Variants in GABRB3 observed in about 807,000 individuals in gnomAD.
GABRB3 encodes gamma-aminobutyric acid receptor subunit beta-3.
GABRB3 carries 14 observed loss-of-function variants against 52.1 expected under a neutral mutation model. That is an observed-to-expected ratio of 0.27 (90% CI 0.18 to 0.42). The LOEUF (loss-of-function observed/expected upper bound fraction) is 0.42, where lower values mean the gene tolerates loss of function less well. GABRB3 is among the 10% of genes least tolerant of loss of function. The probability of loss-of-function intolerance (pLI) is 1.00; values close to 1 mark genes in which losing one functional copy is unlikely to be tolerated. For missense variants in GABRB3, 307 were observed against 609.1 expected (o/e 0.50, Z 5.22); for synonymous variants, 260 against 232.3 (o/e 1.12, Z -1.08).
chr15:26,753,820 A>G (rs1458194662), intron 3 of GABRB3, among the ~76,000 whole-genome samples: 1 of 152,200 alleles, frequency 6.6e-6, no homozygotes. Context: ...TCTCTGTGAG[A>G]AATACACTGG....
intron 3 of GABRB3, among the ~76,000 whole-genome samples, chr15:26,683,369 G>A (rs1054300211): frequency 6.9e-6 from 1 of 145,072 alleles, no homozygotes; most frequent in Admixed American, 6.7e-5. Context: ...CTCCCCCATC[G>A]CTGGGTTTCC....
intron 3 of GABRB3, among the ~76,000 whole-genome samples, chr15:26,675,639 A>T (rs1888044009): frequency 6.6e-6 from 1 of 152,222 alleles, no homozygotes; most frequent in South Asian, 2.1e-4. Flanking sequence ...CTCACTTCCC[A>T]ATACAACAAG....
At chr15:26,738,536 A>G (rs1477505859) in intron 3 of GABRB3, among the ~76,000 whole-genome samples, 3 of 152,286 alleles carry the variant, frequency 2.0e-5, no homozygotes, top group African/African-American at 4.8e-5. Flanking sequence ...AATACAATAC[A>G]TTGGCAGGGA....
intron 4 of GABRB3, among the ~76,000 whole-genome samples, chr15:26,592,171 G>A (rs1277722391): frequency 1.3e-5 from 2 of 152,188 alleles, no homozygotes; most frequent in Non-Finnish European, 2.9e-5. Context: ...TCTACCCAAA[G>A]TGTGTCTGAT....
chr15:26,672,199 G>A (rs780203693), intron 3 of GABRB3, among the ~76,000 whole-genome samples: 3 of 152,148 alleles, frequency 2.0e-5, no homozygotes, highest in Non-Finnish European at 2.9e-5. Context: ...GAGAATCAAG[G>A]AACGCAGGAA....
At chr15:26,735,893 T>C (rs1359875780) in intron 3 of GABRB3, among the ~76,000 whole-genome samples, 4 of 150,386 alleles carry the variant, frequency 2.7e-5, no homozygotes, top group Non-Finnish European at 5.9e-5. Flanking sequence ...AGGTTGAGGC[T>C]GCAGTGAGCT....
intron 3 of GABRB3, among the ~76,000 whole-genome samples, chr15:26,679,923 T>C (rs563071195): frequency 1.4e-4 from 22 of 152,344 alleles, no homozygotes; most frequent in South Asian, 1.2e-3. Flanking sequence ...ATTAGCATCT[T>C]CCCTCTATTT....
At chr15:26,586,397 A>AACACACGCACACACAC (rs1555368906) in intron 4 of GABRB3, among the ~76,000 whole-genome samples, 1 of 138,014 alleles carries the variant, frequency 7.2e-6, no homozygotes, top group African/African-American at 2.7e-5. Flanking sequence ...AACCACCCCT[A>AACACACGCACACACAC]ACACACACAC....
intron 3 of GABRB3, among the ~76,000 whole-genome samples, chr15:26,704,442 G>T (rs145139001): frequency 7.2e-5 from 11 of 152,092 alleles, no homozygotes; most frequent in African/African-American, 2.4e-4. Flanking sequence ...CCTTTTATCC[G>T]TACTAATCTC....
chr15:26,606,128 A>T (rs1175495809), intron 4 of GABRB3, among the ~76,000 whole-genome samples: 1 of 152,114 alleles, frequency 6.6e-6, no homozygotes, highest in Non-Finnish European at 1.5e-5. Context: ...CCAACACTGG[A>T]GATTACAATT....
At chr15:26,701,962 T>G (rs149644367) in intron 3 of GABRB3, among the ~76,000 whole-genome samples, 1 of 152,308 alleles carries the variant, frequency 6.6e-6, no homozygotes, top group East Asian at 1.9e-4. Flanking sequence ...ACAAAGGTAG[T>G]TAGTTCAATG....
intron 3 of GABRB3, among the ~76,000 whole-genome samples, chr15:26,729,008 G>A (rs1276690103): frequency 9.9e-5 from 15 of 152,164 alleles, no homozygotes; most frequent in South Asian, 2.1e-4. Context: ...CTGAGTATAC[G>A]TGAGTCAAGT....
intron 3 of GABRB3, among the ~76,000 whole-genome samples, chr15:26,694,339 C>T (rs769483237): frequency 3.2e-4 from 49 of 152,216 alleles, no homozygotes; most frequent in Middle Eastern, 6.8e-3. Context: ...AAAACTGTGA[C>T]CTAATCACAG....
rs1171185521 is a variant in GABRB3 at position 26,560,531 on chromosome 15, T to C, written c.1080+401A>G. On this transcript the variant is annotated intron_variant, in intron 8 of 8. Transcript: ENST00000311550. ...GCTTACTGGTGAGAGGAAGAAAGCC[T>C]AGGTCTGTGCCCTGAGGGTAGACTG... is the stretch of plus-strand genomic sequence containing the variant. Among the ~76,000 whole-genome samples the C allele has an allele frequency of 3.3e-5, 5 of 152,174 alleles. No homozygotes were observed. The East Asian group carries it at 9.6e-4, about 29-fold the overall frequency.
chr15:26,721,749 C>T (rs1889649365), intron 3 of GABRB3, among the ~76,000 whole-genome samples: 1 of 151,828 alleles, frequency 6.6e-6, no homozygotes, highest in African/African-American at 2.4e-5. Context: ...CAAATGTCTA[C>T]AGTGCTCCCT....
intron 3 of GABRB3, among the ~76,000 whole-genome samples, chr15:26,673,950 A>C (rs530383399): frequency 3.9e-5 from 6 of 152,334 alleles, no homozygotes; most frequent in Non-Finnish European, 7.3e-5. Context: ...AAAGATATAT[A>C]CGCCTAACAT....
chr15:26,706,599 C>G (rs1313578674), intron 3 of GABRB3, among the ~76,000 whole-genome samples: 1 of 152,098 alleles, frequency 6.6e-6, no homozygotes, highest in South Asian at 2.1e-4. Context: ...AAAATCTGCA[C>G]TAACTTGTTT....
At chr15:26,744,279 T>C (rs1277038699) in intron 3 of GABRB3, among the ~76,000 whole-genome samples, 3 of 152,230 alleles carry the variant, frequency 2.0e-5, no homozygotes, top group Non-Finnish European at 4.4e-5. Context: ...AAAAATTAGA[T>C]AGGCTGTATA....
chr15:26,760,164 G>A (rs1890776088), intron 3 of GABRB3, among the ~76,000 whole-genome samples: 1 of 152,230 alleles, frequency 6.6e-6, no homozygotes, highest in Non-Finnish European at 1.5e-5. Context: ...TGGGCTCCGT[G>A]CCACTGACCA....
Sources: gnomAD v4.1 joint callset for allele counts (sites outside exome capture counted in the v4.1 genomes callset) on GRCh38, gnomAD v4.1.1 for gene constraint, MANE v1.5 for transcripts, NCBI Gene and HGNC (gene_info 2026-07-23, HGNC 2026-07-21) for gene names.